MRTFB: variants seen among roughly 807,000 people sequenced by gnomAD.
MRTFB encodes myocardin related transcription factor B.
In MRTFB, 29 loss-of-function variants were observed where a neutral mutation model predicts 104.2. That is an observed-to-expected ratio of 0.28 (90% CI 0.21 to 0.38). MRTFB has a LOEUF of 0.38. MRTFB is among the 10% of genes least tolerant of loss of function. The pLI is 1.00. For missense variants in MRTFB, 1,270 were observed against 1,341.6 expected (o/e 0.95, Z 0.83); for synonymous variants, 535 against 519.5 (o/e 1.03, Z -0.41).
At chr16:14,096,791 T>C (rs894809763) in intron 2 of MRTFB, among the ~76,000 whole-genome samples, 3 of 152,260 alleles carry the variant, frequency 2.0e-5, no homozygotes, top group Non-Finnish European at 4.4e-5. Context: ...CTAGTATGTT[T>C]TTTAAAAAAT....
chr16:14,016,451 T>C, the MRTFB span, among the ~76,000 whole-genome samples: 3 of 152,190 alleles, frequency 2.0e-5, no homozygotes, highest in South Asian at 2.1e-4. Flanking sequence ...TGATGGATAT[T>C]TGTGGTCCTT....
chr16:14,260,832 A>C, intron 16 of MRTFB, 77 bp from the exon 17 acceptor site: 1 of 1,211,830 alleles, frequency 8.3e-7, no homozygotes, highest in African/African-American at 1.5e-5. Flanking sequence ...TAGCAATGTA[A>C]CTGTCCTAGT....
At position 14,079,000 on chromosome 16, in the gene MRTFB, A is replaced by G. The variant is rs962051917; in HGVS notation, c.-128-290A>G. On this transcript the variant is annotated intron_variant, in intron 1 of 16. Coordinates refer to ENST00000571589, the MANE Select transcript of MRTFB (RefSeq NM_001308142.2). The stretch of plus-strand genomic sequence containing the variant: ...TAGAAAGTGGTAGAACCGGGATCTA[A>G]TGCAGATGCTCTGAGCCTAGCACCC... Among the ~76,000 whole-genome samples, 3 of 152,184 alleles carry G rather than the reference A, an allele frequency of 2.0e-5. No individual in the cohort carries two copies. In the East Asian group the frequency reaches 5.8e-4, roughly 29 times the overall value.
At chr16:14,188,412 A>C (rs1447465056) in intron 3 of MRTFB, among the ~76,000 whole-genome samples, 2 of 152,200 alleles carry the variant, frequency 1.3e-5, no homozygotes, top group African/African-American at 2.4e-5. Flanking sequence ...GTAGAGGAAA[A>C]CAGAATAGGA....
At chr16:14,111,748 C>T (rs1040050713) in intron 2 of MRTFB, among the ~76,000 whole-genome samples, 5 of 152,182 alleles carry the variant, frequency 3.3e-5, no homozygotes, top group African/African-American at 1.2e-4. Context: ...TGTGTCCATT[C>T]ATCGTTCACT....
intron 11 of MRTFB, 122 bp downstream of exon 11, chr16:14,245,782 A>T (rs1389062172): frequency 9.2e-7 from 1 of 1,082,584 alleles, no homozygotes; most frequent in Non-Finnish European, 1.3e-6. Context: ...CAACAATATG[A>T]TAATCTTTAT....
At chr16:14,023,105 G>A in the MRTFB span, among the ~76,000 whole-genome samples, 1 of 152,042 alleles carries the variant, frequency 6.6e-6, no homozygotes, top group Non-Finnish European at 1.5e-5. Context: ...ATTCTCTAGT[G>A]AAAGGGAGCA....
the MRTFB span, among the ~76,000 whole-genome samples, chr16:14,006,583 T>G: frequency 6.6e-6 from 1 of 152,174 alleles, no homozygotes; most frequent in South Asian, 2.1e-4. Context: ...TAACCATTTG[T>G]GCCCTTATAA....
At chr16:14,029,809 A>G in the MRTFB span, among the ~76,000 whole-genome samples, 3 of 152,100 alleles carry the variant, frequency 2.0e-5, no homozygotes, top group Admixed American at 6.5e-5. Flanking sequence ...CTTCCTGGGC[A>G]TGGAAGTTCC....
At chr16:14,010,948 T>C in the MRTFB span, among the ~76,000 whole-genome samples, 1 of 152,226 alleles carries the variant, frequency 6.6e-6, no homozygotes, top group Non-Finnish European at 1.5e-5. Flanking sequence ...CAGTGTATTC[T>C]AGTATTGGAG....
intron 8 of MRTFB, among the ~76,000 whole-genome samples, chr16:14,227,905 C>A (rs1597313430): frequency 6.8e-6 from 1 of 146,170 alleles, no homozygotes; most frequent in South Asian, 2.1e-4. Flanking sequence ...AAAAACTGTT[C>A]AAAAATGGGC....
At chr16:14,102,210 T>C (rs2035741954) in intron 2 of MRTFB, among the ~76,000 whole-genome samples, 1 of 151,506 alleles carries the variant, frequency 6.6e-6, no homozygotes, top group East Asian at 1.9e-4. Context: ...TTTGATAGTT[T>C]GATTTTCAAA....
chr16:14,240,793 G>C (rs374302345), intron 10 of MRTFB: 7 of 755,102 alleles, frequency 9.3e-6, no homozygotes, highest in Non-Finnish European at 1.7e-5. Context: ...TGAGAAAAGC[G>C]TAAGTAGTAT....
At chr16:14,254,704 A>G (rs545113972) in intron 15 of MRTFB, among the ~76,000 whole-genome samples, 47 of 152,398 alleles carry the variant, frequency 3.1e-4, no homozygotes, top group African/African-American at 1.1e-3. Context: ...TTGCTAAAAC[A>G]ATAGAAACCA....
intron 2 of MRTFB, among the ~76,000 whole-genome samples, chr16:14,097,840 T>A (rs1161811789): frequency 6.6e-6 from 1 of 152,240 alleles, no homozygotes; most frequent in Non-Finnish European, 1.5e-5. Context: ...TTGTATGTAC[T>A]CTTCTTTGTT....
chr16:14,156,285 G>A (rs13336417), intron 3 of MRTFB, among the ~76,000 whole-genome samples: 13,141 of 152,216 alleles, frequency 0.086, 1,814 homozygotes, highest in African/African-American at 0.29. Context: ...TAGGACCTTT[G>A]CTTTTCCTGT....
chr16:14,231,231 T>C (rs2042248868), intron 8 of MRTFB, among the ~76,000 whole-genome samples: 2 of 151,402 alleles, frequency 1.3e-5, no homozygotes, highest in South Asian at 4.2e-4. Flanking sequence ...CATGTATACA[T>C]ATGTAACTAA....
intron 3 of MRTFB, chr16:14,195,587 G>A (rs2040397897): frequency 1.0e-6 from 1 of 984,950 alleles, no homozygotes; most frequent in Non-Finnish European, 1.2e-6. Flanking sequence ...ACTATTCTGG[G>A]AAAAATTGGA....
intron 13 of MRTFB, among the ~76,000 whole-genome samples, chr16:14,250,116 C>CT (rs2043194966): frequency 6.6e-6 from 1 of 152,144 alleles, no homozygotes; most frequent in Non-Finnish European, 1.5e-5. Context: ...GGCTTTTTCA[C>CT]TAAGTCTGTA....
Sources: allele counts gnomAD v4.1 joint callset (sites outside exome capture counted in the v4.1 genomes callset), GRCh38; gene constraint gnomAD v4.1.1; transcripts MANE v1.5; gene names NCBI Gene and HGNC (gene_info 2026-07-23, HGNC 2026-07-21).